Variants in RNF166 observed in about 807,000 individuals in gnomAD.
RNF166 encodes the protein E3 ubiquitin-protein ligase RNF166.
In RNF166, 19 loss-of-function variants were observed where a neutral mutation model predicts 29.4. The ratio of observed to expected loss-of-function variants is 0.65; its 90% CI spans 0.45 to 0.95. The LOEUF (loss-of-function observed/expected upper bound fraction) is 0.95, where lower values mean the gene tolerates loss of function less well. RNF166 is among the 40% of genes least tolerant of loss of function. RNF166 has a pLI of 0.00. For synonymous variants in RNF166, 171 were observed against 134.5 expected (o/e 1.27, Z -1.88); for missense variants, 347 against 322.1 (o/e 1.08, Z -0.59).
chr16:88,704,557 C>T (rs973952295), intron 1 of RNF166: 1 of 985,300 alleles, frequency 1.0e-6, no homozygotes, highest in South Asian at 4.7e-5. Context: ...GATGCTGTGG[C>T]CGACCACACG....
chr16:88,698,298 C>G, intron 5 of RNF166: 1 of 703,676 alleles, frequency 1.4e-6, no homozygotes, highest in Non-Finnish European at 2.6e-6. Context: ...TGGGCACCCT[C>G]TAGTGGCCAC....
intron 2 of RNF166, chr16:88,700,463 C>T (rs940722017): frequency 3.1e-6 from 1 of 318,346 alleles, no homozygotes; most frequent in Non-Finnish European, 4.5e-6. Context: ...ACAGCCTGCT[C>T]AGCCGCACCA....
Position 88,699,016 on chromosome 16 carries a change from C to G in RNF166, c.495G>C (p.Leu165=), listed in dbSNP as rs148962408. 1.9e-6 allele frequency: 3 copies of G among 1,609,394 alleles called. No homozygotes were observed. The highest frequency in any genetic ancestry group is 2.5e-6 in the Non-Finnish European group (3 of 1,178,484). The change falls in exon 4 of 6, where the codon CTG becomes CTC. Residue 165 remains leucine, a synonymous_variant. Transcript: ENST00000312838. ...GGTGGCTTTCCACACAGTGCTTCAC[C>G]AGCTCCTGCTGGTCCAGGTTGCGGG... ...CGARNLDQQE[L]VKHCVESHRS...
chr16:88,697,433 G>A lies in RNF166; in HGVS notation c.*135C>T, dbSNP rs1397087157. The A allele has an allele frequency of 2.0e-5, 13 of 645,380 alleles. No individual in the cohort carries two copies. Among genetic ancestry groups the A allele is most frequent in the Admixed American group, 8.3e-5 (3 of 36,050 alleles). The allele number at this position is 645,380 out of a possible 1,614,324, so 40.0% of individuals were successfully genotyped here. ...ATTCAGGCCCGGAGGCTCGGCCCCG[G>A]CTCCCCTTCTGCGCGGGTGCAGGCT... On this transcript the variant is annotated 3_prime_UTR_variant, in exon 6 of 6. Coordinates refer to ENST00000312838, the MANE Select transcript of RNF166 (RefSeq NM_178841.4).
At chr16:88,704,193 C>A (rs1910542070) in intron 1 of RNF166, 1 of 985,462 alleles carries the variant, frequency 1.0e-6, no homozygotes, top group Non-Finnish European at 1.2e-6. Context: ...CCGAAGGGAA[C>A]CTGAAGAGCC....
At position 88,706,226 on chromosome 16, in the gene RNF166, G is replaced by A. The variant is rs1404673885; in HGVS notation, c.100C>T (p.Pro34Ser). ...CGGTGATAGACCTCCAGGCAGATGG[G>A]GCAGGTGTACTGCGCCTCCAGGCCG... ...DSGLEAQYTC[P>S]ICLEVYHRPV... The change falls in exon 1 of 6, where the codon CCC becomes TCC. Residue 34 changes from proline to serine, a missense_variant. Physicochemically the swap from Pro to Ser is moderately conservative, Grantham distance 74. Coordinates refer to ENST00000312838, the MANE Select transcript of RNF166 (RefSeq NM_178841.4). The A allele has an allele frequency of 3.0e-6, 4 of 1,325,292 alleles. No individual in the cohort carries two copies. Among genetic ancestry groups the A allele is most frequent in the African/African-American group, 1.6e-5 (1 of 64,248 alleles). The allele number at this position is 1,325,292 out of a possible 1,614,324, so 82.1% of individuals were successfully genotyped here. A position where few individuals can be genotyped will look rare whatever the true frequency, so the allele number is the denominator to read the frequency against.
Position 88,698,945 on chromosome 16 carries a change from C to T in RNF166, c.540+26G>A, listed in dbSNP as rs768411827. ...CCCCACAGGCCTCCCCTGGCGCAGG[C>T]GTCGCTTGGGGCAGGCACTGCTCAC... On this transcript the variant is annotated intron_variant, in intron 4 of 5. Coordinates refer to ENST00000312838, the MANE Select transcript of RNF166 (RefSeq NM_178841.4). 9.3e-6 allele frequency: 14 copies of T among 1,511,518 alleles called. No homozygotes were observed. The South Asian group carries it at 9.5e-5, about 10-fold the overall frequency. 93.6% of individuals were successfully genotyped at this position (1,511,518 alleles called of 1,614,324 possible). A position where few individuals can be genotyped will look rare whatever the true frequency, so the allele number is the denominator to read the frequency against.
intron 2 of RNF166, chr16:88,700,573 T>A: frequency 3.0e-6 from 3 of 984,224 alleles, no homozygotes; most frequent in African/African-American, 1.7e-5. Context: ...TAGAACTTAT[T>A]CACCTGAGAT....
intron 1 of RNF166, chr16:88,702,706 C>T: frequency 1.0e-6 from 1 of 985,358 alleles, no homozygotes; most frequent in South Asian, 4.7e-5. Flanking sequence ...CGGGACTCAG[C>T]TTGAGACCCG....
In RNF166 at chr16:88,698,550, G is replaced by A. The variant is rs1266385509; in HGVS notation, c.600C>T (p.Phe200=). 6.4e-7 allele frequency: 1 copy of A among 1,574,640 alleles called. No individual in the cohort carries two copies. The highest frequency in any genetic ancestry group is 8.6e-7 in the Non-Finnish European group (1 of 1,159,906). Residue 200 remains phenylalanine, a synonymous_variant, in exon 5 of 6, where the codon TTC becomes TTT. Transcript: ENST00000312838. ...TGTGTCGGTGAAGCAGGTGCTGCAG[G>A]AAGTTGGCGCTCTTGTAGCTGGGGT... The part of the protein sequence containing the change: ...WGDPSYKSAN[F]LQHLLHRHKF...
In RNF166 at chr16:88,698,946, G is replaced by A. The variant is rs372194241; in HGVS notation, c.540+25C>T. ...CCCACAGGCCTCCCCTGGCGCAGGC[G>A]TCGCTTGGGGCAGGCACTGCTCACC... On this transcript the variant is annotated intron_variant, in intron 4 of 5. Coordinates refer to ENST00000312838, the MANE Select transcript of RNF166 (RefSeq NM_178841.4). 231 of 1,515,460 alleles carry A rather than the reference G, an allele frequency of 1.5e-4. 1 individual carries two copies. In the East Asian group the frequency reaches 1.8e-3, roughly 12 times the overall value. The allele number at this position is 1,515,460 out of a possible 1,614,324, so 93.9% of individuals were successfully genotyped here.
chr16:88,700,557 GCTT>G, intron 2 of RNF166: 1 of 966,258 alleles, frequency 1.0e-6, no homozygotes, highest in Non-Finnish European at 1.2e-6. Flanking sequence ...TAGTGTGAGC[GCTT>G]CATAGAACTT....
At chr16:88,705,208 C>T (rs4238683) in intron 1 of RNF166, among the ~76,000 whole-genome samples, 1 of 152,302 alleles carries the variant, frequency 6.6e-6, no homozygotes, top group East Asian at 1.9e-4. Context: ...ACACATCCAC[C>T]TAGCAGTCCC....
chr16:88,701,409 C>T lies in RNF166; in HGVS notation c.165G>A (p.Gly55=), dbSNP rs1240087654. The change falls in exon 2 of 6, where the codon GGG becomes GGA. Residue 55 remains glycine, a synonymous_variant. Transcript: ENST00000312838. ...AIGSCGHTFC[G]ECLQPCLQVP... ...CCTGCAGGCAGGGCTGGAGACACTCCCCGCAGAACCTGCAGGGCACAGGGG... is the reference window on the plus strand; with the variant it reads ...CCTGCAGGCAGGGCTGGAGACACTCTCCGCAGAACCTGCAGGGCACAGGGG... 1.9e-6 allele frequency: 3 copies of T among 1,595,846 alleles called. No homozygotes were observed. Among genetic ancestry groups the T allele is most frequent in the African/African-American group, 1.3e-5 (1 of 74,718 alleles).
Position 88,706,394 on chromosome 16 carries a change from C to A in RNF166, c.-69G>T. On this transcript the variant is annotated 5_prime_UTR_variant, in exon 1 of 6. Transcript: ENST00000312838. ...CGGGCCGGCCCGCTAGTCACAGCCG[C>A]TACTGCGCCGCGCTGACGTCATCGT... 8.2e-7 allele frequency: 1 copy of A among 1,225,316 alleles called. No individual in the cohort carries two copies. Among genetic ancestry groups the A allele is most frequent in the Non-Finnish European group, 1.0e-6 (1 of 975,932 alleles). The allele number at this position is 1,225,316 out of a possible 1,614,324, so 75.9% of individuals were successfully genotyped here.
rs3209430 is a variant in RNF166, at chr16:88,696,747, C to G, written c.*821G>C. The G allele has an allele frequency of 2.5e-6, 1 of 392,532 alleles. No individual in the cohort carries two copies. Among genetic ancestry groups the G allele is most frequent in the South Asian group, 1.8e-5 (1 of 56,606 alleles). 24.3% of individuals were successfully genotyped at this position (392,532 alleles called of 1,614,324 possible). On this transcript the variant is annotated 3_prime_UTR_variant, in exon 6 of 6. Coordinates refer to ENST00000312838, the MANE Select transcript of RNF166 (RefSeq NM_178841.4). ...GGCCCCTTCTCTGCCGGCCCCGCCT[C>G]TGCTGGGAGCAGCCACAGCCTGTGG...
At chr16:88,703,103 A>G in intron 1 of RNF166, 4 of 985,534 alleles carry the variant, frequency 4.1e-6, no homozygotes, top group Non-Finnish European at 4.8e-6. Flanking sequence ...GACAGCAAGC[A>G]CGTCCCACCC....
chr16:88,698,264 T>C, intron 5 of RNF166: 2 of 692,392 alleles, frequency 2.9e-6, no homozygotes, highest in Middle Eastern at 2.6e-4. Context: ...ACCTGCCCTG[T>C]GCGGTCCATG....
intron 1 of RNF166, chr16:88,701,623 G>C (rs1044801619): frequency 1.8e-6 from 1 of 550,282 alleles, no homozygotes; most frequent in East Asian, 3.2e-5. Flanking sequence ...GGGTGGCCCC[G>C]GTCCCTCCTG....
Sources: allele counts gnomAD v4.1 joint callset (sites outside exome capture counted in the v4.1 genomes callset), GRCh38; gene constraint gnomAD v4.1.1; transcripts MANE v1.5; gene names NCBI Gene and HGNC (gene_info 2026-07-23, HGNC 2026-07-21).